The following CORIN variants were observed in gnomAD, a reference collection of about 807,000 sequenced individuals.
CORIN encodes corin, serine peptidase, also known as atrial natriuretic peptide-converting enzyme.
Under a neutral mutation model 125.3 loss-of-function variants are expected in CORIN, and 117 were observed. That is an observed-to-expected ratio of 0.93 (90% CI 0.80 to 1.09). CORIN has a LOEUF of 1.09. Ranked by LOEUF, CORIN falls within the 50% of genes least tolerant of loss-of-function variation. The pLI is 0.00. For missense variants in CORIN, 1,253 were observed against 1,306.7 expected (o/e 0.96, Z 0.63); for synonymous variants, 450 against 466.4 (o/e 0.96, Z 0.45).
rs80235279 is a variant in CORIN, at chr4:47,617,663, C to T, written c.2540+5908G>A. ...AATGGAAAATTTTTCTTTTAGTGGA[C>T]ATTACTATTGATGGGAATGGGCCAA... On this transcript the variant is annotated intron_variant, in intron 19 of 21. Coordinates refer to ENST00000273857, the MANE Select transcript of CORIN (RefSeq NM_006587.4). Among the ~76,000 whole-genome samples, 27 of 152,282 alleles carry T rather than the reference C, an allele frequency of 1.8e-4. No individual in the cohort carries two copies. In the East Asian group the frequency reaches 4.8e-3, roughly 27 times the overall value.
chr4:47,613,366 T>C lies in CORIN; in HGVS notation c.2541-9698A>G, dbSNP rs566498463. 2.5e-4 allele frequency among the ~76,000 whole-genome samples: 38 copies of C among 152,124 alleles called. No individual in the cohort carries two copies. The South Asian group carries it at 3.1e-3, about 12-fold the overall frequency. On this transcript the variant is annotated intron_variant, in intron 19 of 21. Transcript: ENST00000273857. ...TACTTGGGAGGCTGAGGCAGGAGAA[T>C]CACTTGAACCTAGGAGGTGGAGGTT...
intron 4 of CORIN, 113 bp from the exon 5 acceptor site, chr4:47,744,696 T>C: frequency 1.0e-6 from 1 of 997,890 alleles, no homozygotes; most frequent in Non-Finnish European, 1.4e-6. Flanking sequence ...AATTTATACT[T>C]ACTATAGTCA....
intron 1 of CORIN, among the ~76,000 whole-genome samples, chr4:47,819,216 GATA>G (rs1378180177): frequency 1.3e-5 from 2 of 152,138 alleles, no homozygotes; most frequent in African/African-American, 4.8e-5. Flanking sequence ...AACTCAGGAG[GATA>G]ATGGTAGACA....
chr4:47,628,750 T>C lies in CORIN; in HGVS notation c.2199-2229A>G, dbSNP rs114879114. ...TGTGCTTGGCGTATTTCACTTAATA[T>C]GTCCTCCAAGTTTATCCATGTTGTC... is the stretch of plus-strand genomic sequence containing the variant. On this transcript the variant is annotated intron_variant, in intron 16 of 21. Transcript: ENST00000273857. 9.7e-3 allele frequency among the ~76,000 whole-genome samples: 1,474 copies of C among 152,300 alleles called. 28 individuals carry two copies. The highest frequency in any genetic ancestry group is 0.034 in the African/African-American group (1,394 of 41,564).
At chr4:47,728,675 T>C (rs942793096) in intron 5 of CORIN, among the ~76,000 whole-genome samples, 1 of 152,258 alleles carries the variant, frequency 6.6e-6, no homozygotes, top group African/African-American at 2.4e-5. Context: ...CATATTCTAC[T>C]GTAATCTGTA....
At chr4:47,688,354 C>T (rs970605635) in intron 6 of CORIN, among the ~76,000 whole-genome samples, 3 of 152,156 alleles carry the variant, frequency 2.0e-5, no homozygotes, top group Non-Finnish European at 4.4e-5. Context: ...AATCCTAGCA[C>T]TTTGGGAAGC....
At chr4:47,829,956 T>C (rs984104667) in intron 1 of CORIN, among the ~76,000 whole-genome samples, 1 of 152,226 alleles carries the variant, frequency 6.6e-6, no homozygotes, top group African/African-American at 2.4e-5. Context: ...AGCAACCTAA[T>C]ACCAACTTCT....
At chr4:47,731,141 A>C (rs1727854316) in intron 5 of CORIN, among the ~76,000 whole-genome samples, 1 of 152,252 alleles carries the variant, frequency 6.6e-6, no homozygotes. Context: ...AGAACAACTG[A>C]AAGAACTACA....
intron 14 of CORIN, among the ~76,000 whole-genome samples, chr4:47,643,483 A>T (rs535781054): frequency 1.3e-5 from 2 of 152,166 alleles, no homozygotes; most frequent in East Asian, 3.9e-4. Context: ...TGTTCAAGTG[A>T]CTCAATGTTC....
chr4:47,616,490 T>C (rs1262453306), intron 19 of CORIN, among the ~76,000 whole-genome samples: 1 of 152,070 alleles, frequency 6.6e-6, no homozygotes, highest in African/African-American at 2.4e-5. Flanking sequence ...CTCTGACATA[T>C]GAAGAAAACA....
At chr4:47,670,875 C>G (rs1173830294) in intron 10 of CORIN, among the ~76,000 whole-genome samples, 2 of 152,154 alleles carry the variant, frequency 1.3e-5, no homozygotes, top group Non-Finnish European at 2.9e-5. Flanking sequence ...GTTAAAGATG[C>G]TGGGTTGTGA....
chr4:47,697,654 T>C (rs975564167), intron 5 of CORIN, among the ~76,000 whole-genome samples: 7 of 151,796 alleles, frequency 4.6e-5, no homozygotes, highest in African/African-American at 1.7e-4. Flanking sequence ...GAGGCGGAGG[T>C]TGCAGTGAGC....
intron 2 of CORIN, among the ~76,000 whole-genome samples, chr4:47,789,961 G>A (rs559737347): frequency 3.3e-4 from 51 of 152,284 alleles, no homozygotes; most frequent in Admixed American, 5.2e-4. Flanking sequence ...GGTGGAGGTT[G>A]CAGTGAGCTG....
At chr4:47,741,258 A>C (rs1246457616) in intron 5 of CORIN, among the ~76,000 whole-genome samples, 2 of 152,078 alleles carry the variant, frequency 1.3e-5, no homozygotes, top group Non-Finnish European at 2.9e-5. Flanking sequence ...ACCTAATTTT[A>C]AAATGGGCAA....
intron 3 of CORIN, among the ~76,000 whole-genome samples, chr4:47,769,870 A>C (rs1729938432): frequency 6.6e-6 from 1 of 152,130 alleles, no homozygotes; most frequent in African/African-American, 2.4e-5. Context: ...ACTCAAAATG[A>C]ATTAAAAACT....
Position 47,600,207 on chromosome 4 carries a change from AACTT to A in CORIN, c.2946+3_2946+6del, listed in dbSNP as rs1279103521. 1 of 1,603,612 alleles carries A rather than the reference AACTT, an allele frequency of 6.2e-7. No homozygotes were observed. Among genetic ancestry groups the A allele is most frequent in the Non-Finnish European group, 8.5e-7 (1 of 1,174,084 alleles). On this transcript the variant is annotated splice_donor_5th_base_variant and intron_variant, in intron 21 of 21. Coordinates refer to ENST00000273857, the MANE Select transcript of CORIN (RefSeq NM_006587.4). ...TGAATCTCCTTGGTAACCAGAAAGC[AACTT>A]ACCATGCATGAATCAACTGTGCCAG...
At chr4:47,693,360 G>A (rs1190574961) in intron 5 of CORIN, among the ~76,000 whole-genome samples, 2 of 152,310 alleles carry the variant, frequency 1.3e-5, no homozygotes, top group East Asian at 3.9e-4. Flanking sequence ...CAGAGAGCAA[G>A]AGGGTAGCTT....
chr4:47,683,449 T>C, intron 7 of CORIN: 1 of 273,686 alleles, frequency 3.7e-6, no homozygotes, highest in Non-Finnish European at 7.0e-6. Flanking sequence ...CAGAACACAT[T>C]TGAGGAGAGG....
chr4:47,664,932 C>T (rs1343432873), intron 11 of CORIN, 100 bp downstream of exon 11: 2 of 673,998 alleles, frequency 3.0e-6, no homozygotes, highest in South Asian at 2.0e-5. Context: ...AAATGCAGAG[C>T]TCCTTAGGGA....
Sources: allele counts gnomAD v4.1 joint callset (sites outside exome capture counted in the v4.1 genomes callset), GRCh38; gene constraint gnomAD v4.1.1; transcripts MANE v1.5; gene names NCBI Gene and HGNC (gene_info 2026-07-23, HGNC 2026-07-21).